Variants in PCDHGA3 observed in about 807,000 individuals in gnomAD.
PCDHGA3 encodes protocadherin gamma-A3.
Under a neutral mutation model 58.5 loss-of-function variants are expected in PCDHGA3, and 40 were observed. The observed-to-expected ratio is 0.68, with a 90% CI of 0.53 to 0.89. The LOEUF is 0.89. Among genes scored for constraint, PCDHGA3 ranks in the 40% least tolerant of loss-of-function variants. PCDHGA3 has a pLI of 0.00. For synonymous variants in PCDHGA3, 530 were observed against 525.7 expected (o/e 1.01, Z -0.11); for missense variants, 1,223 against 1,195.9 (o/e 1.02, Z -0.33).
rs76218301 is a variant in PCDHGA3 at position 141,380,317 on chromosome 5, A to G, written c.2424+33860A>G. On this transcript the variant is annotated intron_variant, in intron 1 of 3. Transcript: ENST00000253812. ...CCTATATCTTTGCTTGAGAATGAAA[A>G]TCTAAATGGAACTTCAAAGAACTGT... is the stretch of plus-strand genomic sequence containing the variant. Among the ~76,000 whole-genome samples the G allele has an allele frequency of 1.7e-4, 26 of 152,324 alleles. No individual in the cohort carries two copies. The East Asian group carries it at 5.0e-3, about 29-fold the overall frequency.
intron 1 of PCDHGA3, chr5:141,355,358 G>A: frequency 1.2e-6 from 2 of 1,614,048 alleles, no homozygotes; most frequent in Non-Finnish European, 1.7e-6. Context: ...AAGGACCTGG[G>A]GTTGGCGCCC....
intron 1 of PCDHGA3, chr5:141,375,627 A>AGGAG (rs773199374): frequency 2.9e-5 from 46 of 1,613,948 alleles, no homozygotes; most frequent in Non-Finnish European, 3.6e-5. Flanking sequence ...GGGATTCTGT[A>AGGAG]CGCCCTGCGC....
intron 1 of PCDHGA3, chr5:141,442,491 T>G (rs1438583747): frequency 6.6e-6 from 1 of 152,236 alleles, no homozygotes; most frequent in Non-Finnish European, 1.5e-5. Flanking sequence ...AGGGGATGAT[T>G]GTGATTATTC....
At chr5:141,495,379 C>T (rs989240656) in intron 2 of PCDHGA3, among the ~76,000 whole-genome samples, 3 of 152,208 alleles carry the variant, frequency 2.0e-5, no homozygotes, top group Non-Finnish European at 4.4e-5. Context: ...TGAGGAAGGA[C>T]TGGGCGGGGC....
chr5:141,427,530 T>C (rs1302316196), intron 1 of PCDHGA3: 3 of 619,732 alleles, frequency 4.8e-6, no homozygotes, highest in Non-Finnish European at 9.0e-6. Context: ...GATCCCGGAG[T>C]ACAACGTCAC....
At chr5:141,413,432 G>A (rs1193674962) in intron 1 of PCDHGA3, 1 of 1,613,992 alleles carries the variant, frequency 6.2e-7, no homozygotes, top group African/African-American at 1.3e-5. Flanking sequence ...CCGCGCAGCG[G>A]CAGCTTGATC....
chr5:141,487,818 G>T lies in PCDHGA3; in HGVS notation c.2425-6989G>T, dbSNP rs1009237001. The T allele has an allele frequency of 1.2e-5, 16 of 1,331,602 alleles. No homozygotes were observed. Among genetic ancestry groups the T allele is most frequent in the Non-Finnish European group, 1.4e-5 (14 of 970,528 alleles). The allele number at this position is 1,331,602 out of a possible 1,614,324, so 82.5% of individuals were successfully genotyped here. On this transcript the variant is annotated intron_variant, in intron 1 of 3. Transcript: ENST00000253812. This position sits in a 1 kb window ranked among gnomAD's most constrained non-coding sequence, Gnocchi z 5.0. Reference sequence around the variant, plus strand: ...GAGTTGTCACAGTTTAGCATTGGGGGCGGGTCATGCCTATATCTGAGTAAG... The same window carrying T: ...GAGTTGTCACAGTTTAGCATTGGGGTCGGGTCATGCCTATATCTGAGTAAG...
At chr5:141,473,988 G>T (rs1006988447) in intron 1 of PCDHGA3, among the ~76,000 whole-genome samples, 2 of 152,118 alleles carry the variant, frequency 1.3e-5, no homozygotes, top group Middle Eastern at 3.2e-3. Context: ...AGGATCCCTT[G>T]AGCCCAAGGA....
At chr5:141,417,628 A>T (rs2096139720) in intron 1 of PCDHGA3, 1 of 692,650 alleles carries the variant, frequency 1.4e-6, no homozygotes, top group Non-Finnish European at 2.3e-6. Context: ...GCAAGCGCTG[A>T]CGCCGGGGAT....
intron 1 of PCDHGA3, among the ~76,000 whole-genome samples, chr5:141,450,061 C>A (rs1219642208): frequency 7.2e-6 from 1 of 139,334 alleles, no homozygotes; most frequent in Non-Finnish European, 1.5e-5. Context: ...GGCTGGAATG[C>A]AGTGGTATGA....
chr5:141,433,823 G>T (rs555746621), intron 1 of PCDHGA3, among the ~76,000 whole-genome samples: 2 of 144,288 alleles, frequency 1.4e-5, no homozygotes, highest in Non-Finnish European at 3.0e-5. Context: ...GGCAACAAGA[G>T]TGAAACTCTA....
At chr5:141,467,728 C>A (rs2099150053) in intron 1 of PCDHGA3, among the ~76,000 whole-genome samples, 1 of 152,058 alleles carries the variant, frequency 6.6e-6, no homozygotes, top group Admixed American at 6.5e-5. Context: ...GTGGCACAAT[C>A]CCAGCTCGCT....
chr5:141,480,225 G>A (rs1217912404), intron 1 of PCDHGA3, among the ~76,000 whole-genome samples: 1 of 147,152 alleles, frequency 6.8e-6, no homozygotes, highest in East Asian at 2.0e-4. Flanking sequence ...GCGACATAGT[G>A]AGATCCTGTC....
intron 1 of PCDHGA3, chr5:141,418,786 TGAA>T: frequency 1.2e-6 from 2 of 1,613,854 alleles, no homozygotes; most frequent in Non-Finnish European, 8.5e-7. Flanking sequence ...CTTTGGATTT[TGAA>T]GAAGTAGAAA....
chr5:141,509,819 C>T (rs1008625658), intron 3 of PCDHGA3, among the ~76,000 whole-genome samples: 3 of 152,154 alleles, frequency 2.0e-5, no homozygotes, highest in African/African-American at 7.2e-5. Context: ...AGCTCTTCTC[C>T]ATCTTCTCTC....
chr5:141,404,586 A>G, intron 1 of PCDHGA3: 1 of 1,614,008 alleles, frequency 6.2e-7, no homozygotes, highest in Non-Finnish European at 8.5e-7. Context: ...CTTAGCAGCA[A>G]TGTGTCATTG....
chr5:141,505,089 G>A (rs1562219081), intron 2 of PCDHGA3, among the ~76,000 whole-genome samples: 1 of 152,208 alleles, frequency 6.6e-6, no homozygotes, highest in Non-Finnish European at 1.5e-5. Context: ...TTGAACCCAG[G>A]AGGTGGATGT....
intron 1 of PCDHGA3, chr5:141,366,767 C>T (rs1286412324): frequency 5.0e-6 from 8 of 1,601,956 alleles, no homozygotes; most frequent in East Asian, 4.5e-5. Flanking sequence ...TTTTCTCTTT[C>T]GGTAAGGATG....
At chr5:141,478,795 C>T (rs919747545) in intron 1 of PCDHGA3, 7 of 1,468,056 alleles carry the variant, frequency 4.8e-6, no homozygotes, top group Non-Finnish European at 6.3e-6. Flanking sequence ...ACATCCTCAG[C>T]ACTCTTTTGC....
Sources: gnomAD v4.1 joint callset for allele counts (sites outside exome capture counted in the v4.1 genomes callset) on GRCh38, gnomAD v4.1.1 for gene constraint, Gnocchi (gnomAD v3.1) non-coding constraint, MANE v1.5 for transcripts, NCBI Gene and HGNC (gene_info 2026-07-23, HGNC 2026-07-21) for gene names.